Variants in APPL2 observed in about 807,000 individuals in gnomAD.
APPL2 encodes the protein DCC-interacting protein 13-beta.
Under a neutral mutation model 92.7 loss-of-function variants are expected in APPL2, and 84 were observed. The observed-to-expected ratio is 0.91, with a 90% confidence interval of 0.76 to 1.09. The LOEUF (loss-of-function observed/expected upper bound fraction) is 1.09. Ranked by LOEUF, APPL2 falls within the 50% of genes least tolerant of loss-of-function variation. APPL2 has a pLI of 0.00. For synonymous variants in APPL2, 291 were observed against 291.0 expected (o/e 1.00, Z 0.00); for missense variants, 736 against 824.5 (o/e 0.89, Z 1.31).
At chr12:105,231,527 C>T (rs1225177011) in intron 1 of APPL2, among the ~76,000 whole-genome samples, 1 of 152,182 alleles carries the variant, frequency 6.6e-6, no homozygotes, top group African/African-American at 2.4e-5. Context: ...ATGTGTTCAA[C>T]CTCCCACTGT....
At chr12:105,185,845 T>C (rs1481286302) in intron 17 of APPL2, among the ~76,000 whole-genome samples, 1 of 152,190 alleles carries the variant, frequency 6.6e-6, no homozygotes, top group Admixed American at 6.5e-5. Context: ...GTTAAGTGTC[T>C]TCATAACTTT....
intron 20 of APPL2, among the ~76,000 whole-genome samples, chr12:105,175,623 G>A (rs1885458854): frequency 6.6e-6 from 1 of 152,192 alleles, no homozygotes; most frequent in Non-Finnish European, 1.5e-5. Flanking sequence ...AAGATTAAAA[G>A]CTGCTGAAAG....
intron 2 of APPL2, among the ~76,000 whole-genome samples, chr12:105,219,874 C>T (rs953073628): frequency 6.6e-6 from 1 of 152,168 alleles, no homozygotes; most frequent in African/African-American, 2.4e-5. Context: ...TTGGCATGTT[C>T]CTGAGGGCAG....
rs1238338743 is a variant in APPL2, at chr12:105,199,368, C to G, written c.863+5G>C. The G allele has an allele frequency of 6.2e-7, 1 of 1,606,180 alleles. No individual in the cohort carries two copies. Among genetic ancestry groups the G allele is most frequent in the South Asian group, 1.1e-5 (1 of 89,688 alleles). ...AGAAAAAGAGGCAGACGGTGGCGTT[C>G]TCACTTTCTAAGATTAAGGTAACCA... On this transcript the variant is annotated splice_donor_5th_base_variant and intron_variant, in intron 10 of 20. Transcript: ENST00000258530.
At chr12:105,186,683 T>TATATGATATATTATATC in intron 17 of APPL2, among the ~76,000 whole-genome samples, 1 of 39,168 alleles carries the variant, frequency 2.6e-5, no homozygotes, top group East Asian at 1.3e-3. Context: ...TGATATATCA[T>TATATGATATATTATATC]ATATATATCA....
intron 2 of APPL2, among the ~76,000 whole-genome samples, chr12:105,219,134 A>T (rs1889913608): frequency 1.3e-5 from 2 of 152,184 alleles, no homozygotes; most frequent in Non-Finnish European, 2.9e-5. Flanking sequence ...TCCACTGGCT[A>T]TTTCTCCTGG....
intron 4 of APPL2, among the ~76,000 whole-genome samples, chr12:105,213,185 C>T (rs1889367427): frequency 6.6e-6 from 1 of 152,096 alleles, no homozygotes; most frequent in Admixed American, 6.5e-5. Context: ...AGTGTCTTTC[C>T]AATGGTTATG....
chr12:105,225,282 G>A (rs568198430), intron 2 of APPL2, among the ~76,000 whole-genome samples: 137 of 152,268 alleles, frequency 9.0e-4, no homozygotes, highest in Non-Finnish European at 1.3e-3. Flanking sequence ...AATACCGCTG[G>A]GGATAGCCTT....
At chr12:105,217,844 T>TATAA (rs1889812270) in intron 2 of APPL2, 119 bp from the exon 3 acceptor site, 1 of 853,630 alleles carries the variant, frequency 1.2e-6, no homozygotes, top group Non-Finnish European at 1.9e-6. Context: ...GGTGCACACC[T>TATAA]ATAATCCTAG....
intron 7 of APPL2, among the ~76,000 whole-genome samples, 191 bp downstream of exon 7, chr12:105,207,780 A>C (rs1888858302): frequency 1.3e-5 from 2 of 152,156 alleles, no homozygotes; most frequent in African/African-American, 2.4e-5. Context: ...GTGTTTAATA[A>C]ACCAGTTTGA....
intron 3 of APPL2, 130 bp downstream of exon 3, chr12:105,217,534 GAA>G: frequency 1.2e-6 from 1 of 840,898 alleles, no homozygotes; most frequent in South Asian, 1.8e-5. Context: ...CAGTGGAAGG[GAA>G]AAGACAGGAC....
At chr12:105,198,543 C>T (rs532425703) in intron 10 of APPL2, among the ~76,000 whole-genome samples, 3 of 152,234 alleles carry the variant, frequency 2.0e-5, no homozygotes, top group Non-Finnish European at 4.4e-5. Context: ...CTTAGAGGTA[C>T]TCCAGCCTGG....
rs1566102987 is a variant in APPL2 at position 105,229,835 on chromosome 12, A to G, written c.55-612T>C. The G allele has an allele frequency of 1.5e-5, 13 of 887,546 alleles. No individual in the cohort carries two copies. The South Asian group carries it at 3.7e-4, about 25-fold the overall frequency. 55.0% of individuals were successfully genotyped at this position (887,546 alleles called of 1,614,324 possible). A position where few individuals can be genotyped will look rare whatever the true frequency, so the allele number is the denominator to read the frequency against. On this transcript the variant is annotated intron_variant, in intron 1 of 20. Coordinates refer to ENST00000258530, the MANE Select transcript of APPL2 (RefSeq NM_018171.5). ...CTCTTGTTGCCCAGGCTGGAGTGCA[A>G]TGGTGCGATCTCGGCTCACTGCAAC...
chr12:105,183,176 A>G (rs1253323608), intron 17 of APPL2, among the ~76,000 whole-genome samples: 1 of 150,764 alleles, frequency 6.6e-6, no homozygotes, highest in Non-Finnish European at 1.5e-5. Context: ...GGTCTCCTGA[A>G]TACAGCAAAC....
Position 105,234,782 on chromosome 12 carries a change from C to T in APPL2, c.54+1177G>A, listed in dbSNP as rs192981981. 2.9e-4 allele frequency among the ~76,000 whole-genome samples: 3 copies of T among 10,290 alleles called. No homozygotes were observed. The Admixed American group carries it at 4.3e-3, about 15-fold the overall frequency. The allele number at this position is 10,290 out of a possible 152,430, so 6.8% of individuals were successfully genotyped here. On this transcript the variant is annotated intron_variant, in intron 1 of 20. Transcript: ENST00000258530. ...TGATTAAAATGCCAGGAGTCTACAG[C>T]CATATAAAAAAGGGAGGCCTTGAAA...
At chr12:105,231,489 T>C (rs1890915317) in intron 1 of APPL2, among the ~76,000 whole-genome samples, 1 of 152,192 alleles carries the variant, frequency 6.6e-6, no homozygotes, top group African/African-American at 2.4e-5. Context: ...TTACTGATGA[T>C]GAAACTGAGG....
intron 2 of APPL2, among the ~76,000 whole-genome samples, chr12:105,218,466 T>C (rs1368165131): frequency 6.6e-6 from 1 of 152,196 alleles, no homozygotes; most frequent in Non-Finnish European, 1.5e-5. Flanking sequence ...CTGGCTGTGT[T>C]GGGAGGCTCT....
intron 9 of APPL2, among the ~76,000 whole-genome samples, chr12:105,200,843 T>TGTAG (rs1888108067): frequency 2.6e-5 from 2 of 78,140 alleles, no homozygotes; most frequent in East Asian, 6.5e-4. Flanking sequence ...TATGTATGTA[T>TGTAG]GTATGTATGT....
intron 2 of APPL2, among the ~76,000 whole-genome samples, chr12:105,227,118 C>T (rs1250200928): frequency 8.6e-6 from 1 of 116,884 alleles, no homozygotes; most frequent in Non-Finnish European, 1.7e-5. Context: ...AAGACCCTGT[C>T]TCTGAAAATT....
Sources: allele counts gnomAD v4.1 joint callset (sites outside exome capture counted in the v4.1 genomes callset), GRCh38; gene constraint gnomAD v4.1.1; transcripts MANE v1.5; gene names NCBI Gene and HGNC (gene_info 2026-07-23, HGNC 2026-07-21).